APBB2: variants seen among roughly 807,000 people sequenced by gnomAD.
APBB2 encodes the protein Fe65-like 1.
In APBB2, 38 loss-of-function variants were observed where a neutral mutation model predicts 82.5. The observed-to-expected ratio is 0.46, with a 90% CI of 0.36 to 0.60. APBB2 has a LOEUF of 0.60. Ranked by LOEUF, APBB2 falls within the 20% of genes least tolerant of loss-of-function variation. The pLI, the probability that APBB2 is intolerant of heterozygous loss-of-function variation, is 0.00. For synonymous variants in APBB2, 341 were observed against 368.2 expected (o/e 0.93, Z 0.85); for missense variants, 772 against 972.3 (o/e 0.79, Z 2.74).
At chr4:40,967,824 C>G (rs1435711454) in intron 6 of APBB2, among the ~76,000 whole-genome samples, 1 of 152,148 alleles carries the variant, frequency 6.6e-6, no homozygotes, top group Non-Finnish European at 1.5e-5. Context: ...AAGAGCTACA[C>G]CTCCAAGGAT....
intron 12 of APBB2, among the ~76,000 whole-genome samples, chr4:40,851,738 A>ATATATATATATATAT (rs1192919460): frequency 8.9e-5 from 6 of 67,740 alleles, no homozygotes; most frequent in East Asian, 2.9e-4. Flanking sequence ...ATATATATAT[A>ATATATATATATATAT]TTTTTTTTTT....
At chr4:41,179,054 G>A (rs536163414) in intron 1 of APBB2, among the ~76,000 whole-genome samples, 188 of 152,096 alleles carry the variant, frequency 1.2e-3, no homozygotes, top group Non-Finnish European at 1.9e-3. Flanking sequence ...TGTTGTATAC[G>A]TGTCACGTCT....
intron 1 of APBB2, among the ~76,000 whole-genome samples, chr4:41,168,357 A>T (rs1288322027): frequency 6.6e-6 from 1 of 151,662 alleles, no homozygotes; most frequent in African/African-American, 2.4e-5. Context: ...TGAAGCCAAC[A>T]TTTTTTTAAT....
rs2465540 is a variant in APBB2, at chr4:40,823,959, T to C, written c.1817-200A>G. Among the ~76,000 whole-genome samples the C allele has an allele frequency of 0.26, 39,754 of 151,956 alleles. 5,635 individuals are homozygous for C. Among genetic ancestry groups the C allele is most frequent in the Admixed American group, 0.32 (4,882 of 15,284 alleles). On this transcript the variant is annotated intron_variant, in intron 15 of 17. Transcript: ENST00000508593. Reference sequence around the variant, plus strand: ...GGCTCACGCCTGTAATCTCAGCACTTTGGGAGGCTGAGCCAGGATCATTTG... The same window carrying C: ...GGCTCACGCCTGTAATCTCAGCACTCTGGGAGGCTGAGCCAGGATCATTTG...
At chr4:40,885,881 G>T (rs1359395673) in intron 12 of APBB2, among the ~76,000 whole-genome samples, 1 of 152,120 alleles carries the variant, frequency 6.6e-6, no homozygotes, top group South Asian at 2.1e-4. Context: ...GAAAACCTCT[G>T]AGAGGGCCCA....
intron 10 of APBB2, among the ~76,000 whole-genome samples, chr4:40,896,342 C>T (rs1477720703): frequency 6.6e-6 from 1 of 152,204 alleles, no homozygotes; most frequent in Non-Finnish European, 1.5e-5. Context: ...GGATTACAGG[C>T]GTAAGCCACC....
intron 5 of APBB2, among the ~76,000 whole-genome samples, chr4:41,024,695 G>A (rs1321454650): frequency 2.0e-5 from 3 of 152,178 alleles, no homozygotes; most frequent in Non-Finnish European, 4.4e-5. Flanking sequence ...TAAAACTTAT[G>A]AGTTTACAGA....
intron 6 of APBB2, among the ~76,000 whole-genome samples, chr4:40,960,778 C>T (rs1578767285): frequency 6.6e-6 from 1 of 151,936 alleles, no homozygotes; most frequent in East Asian, 1.9e-4. Flanking sequence ...TTCATCAAAG[C>T]CAGTGTTCAT....
At chr4:40,833,127 C>A (rs1028889818) in intron 12 of APBB2, among the ~76,000 whole-genome samples, 1 of 152,208 alleles carries the variant, frequency 6.6e-6, no homozygotes, top group African/African-American at 2.4e-5. Context: ...TTCTGGTTCT[C>A]CTCCCTAGAG....
At chr4:41,150,306 G>A (rs182814560) in intron 1 of APBB2, among the ~76,000 whole-genome samples, 21 of 152,290 alleles carry the variant, frequency 1.4e-4, no homozygotes, top group Middle Eastern at 3.4e-3. Flanking sequence ...GGAAGTAGCA[G>A]GTTAGGTGTC....
intron 10 of APBB2, among the ~76,000 whole-genome samples, chr4:40,922,744 G>A (rs1458687390): frequency 1.3e-5 from 2 of 151,704 alleles, no homozygotes; most frequent in East Asian, 3.9e-4. Flanking sequence ...CTGAGTAGCT[G>A]GGACTCCAGG....
intron 10 of APBB2, among the ~76,000 whole-genome samples, chr4:40,924,608 G>C (rs1334081127): frequency 6.6e-6 from 1 of 152,162 alleles, no homozygotes; most frequent in Admixed American, 6.5e-5. Context: ...AAGCCACATG[G>C]AGAGGCCCTG....
chr4:41,017,000 G>A (rs770717696), intron 5 of APBB2, among the ~76,000 whole-genome samples: 3 of 151,978 alleles, frequency 2.0e-5, no homozygotes, highest in East Asian at 1.9e-4. Context: ...AGGCTCAAGC[G>A]ATCTTCCTAC....
intron 1 of APBB2, chr4:41,193,623 T>C: frequency 1.0e-6 from 1 of 954,024 alleles, no homozygotes. Flanking sequence ...GCTGCTGTTT[T>C]CTGCATTATT....
intron 1 of APBB2, among the ~76,000 whole-genome samples, chr4:41,146,633 G>A (rs1760837816): frequency 6.6e-6 from 1 of 152,090 alleles, no homozygotes; most frequent in African/African-American, 2.4e-5. Flanking sequence ...TTGAAACATT[G>A]TTTACTTCCA....
intron 10 of APBB2, among the ~76,000 whole-genome samples, chr4:40,911,088 C>T (rs776749663): frequency 3.3e-5 from 5 of 152,248 alleles, no homozygotes; most frequent in South Asian, 2.1e-4. Flanking sequence ...AACATGGAAA[C>T]GACAGACATA....
chr4:40,982,238 G>C (rs1182770667), intron 6 of APBB2, among the ~76,000 whole-genome samples: 1 of 5,918 alleles, frequency 1.7e-4, no homozygotes, highest in African/African-American at 5.1e-4. Context: ...AAGAAAGAAA[G>C]AAAGAAAGAA....
chr4:41,119,877 T>C (rs1040204893), intron 2 of APBB2, among the ~76,000 whole-genome samples: 1 of 152,170 alleles, frequency 6.6e-6, no homozygotes, highest in Non-Finnish European at 1.5e-5. Context: ...ACTACAAATG[T>C]GATAACAAGC....
chr4:40,889,133 G>A (rs1255468197), intron 12 of APBB2, among the ~76,000 whole-genome samples: 4 of 152,320 alleles, frequency 2.6e-5, no homozygotes, highest in African/African-American at 7.2e-5. Flanking sequence ...ACTCTGGTAC[G>A]AAAGCTCAAA....
Sources: allele counts gnomAD v4.1 joint callset (sites outside exome capture counted in the v4.1 genomes callset), GRCh38; gene constraint gnomAD v4.1.1; transcripts MANE v1.5; gene names NCBI Gene and HGNC (gene_info 2026-07-23, HGNC 2026-07-21).